HERPUD2: variants seen among roughly 807,000 people sequenced by gnomAD.
HERPUD2 encodes the protein homocysteine-responsive endoplasmic reticulum-resident ubiquitin-like domain member 2 protein.
HERPUD2 carries 13 observed loss-of-function variants against 49.9 expected under a neutral mutation model. The observed-to-expected ratio is 0.26, with a 90% CI of 0.17 to 0.41. The LOEUF (loss-of-function observed/expected upper bound fraction) is 0.41, where lower values mean the gene tolerates loss of function less well. Ranked by LOEUF, HERPUD2 falls within the 10% of genes least tolerant of loss-of-function variation. The pLI is 1.00. For synonymous variants in HERPUD2, 172 were observed against 171.4 expected (o/e 1.00, Z -0.03); for missense variants, 449 against 492.2 (o/e 0.91, Z 0.83).
chr7:35,659,815 C>T (rs1785370424), intron 5 of HERPUD2, among the ~76,000 whole-genome samples: 1 of 152,070 alleles, frequency 6.6e-6, no homozygotes, highest in Admixed American at 6.6e-5. Flanking sequence ...TCACTTTTGG[C>T]AAAATATTTG....
intron 5 of HERPUD2, among the ~76,000 whole-genome samples, chr7:35,651,245 C>T (rs1785160378): frequency 1.3e-5 from 2 of 152,284 alleles, no homozygotes; most frequent in Middle Eastern, 3.4e-3. Flanking sequence ...TCACTGATGG[C>T]ATCCAAACAA....
At chr7:35,642,744 G>A (rs1366741888) in intron 5 of HERPUD2, among the ~76,000 whole-genome samples, 2 of 152,200 alleles carry the variant, frequency 1.3e-5, no homozygotes, top group Non-Finnish European at 2.9e-5. Context: ...TTATTAGTGG[G>A]AGCTAAATGA....
chr7:35,644,668 G>T (rs1452437153), intron 5 of HERPUD2, among the ~76,000 whole-genome samples: 5 of 152,128 alleles, frequency 3.3e-5, no homozygotes, highest in Non-Finnish European at 5.9e-5. Context: ...TCAGGAGGCT[G>T]ACACAGGAGA....
rs1472284217 is a variant in HERPUD2, at chr7:35,674,177, T to G, written c.148-899A>C. ...ATATTAAAATTAGCCATAATAGAAA[T>G]TATCATACTAAGATCTGTGGTTCAG... is the stretch of plus-strand genomic sequence containing the variant. On this transcript the variant is annotated intron_variant, in intron 2 of 8. Coordinates refer to ENST00000311350, the MANE Select transcript of HERPUD2 (RefSeq NM_022373.5). Among the ~76,000 whole-genome samples, 5 of 151,466 alleles carry G rather than the reference T, an allele frequency of 3.3e-5. No homozygotes were observed. In the East Asian group the frequency reaches 9.6e-4, roughly 29 times the overall value.
chr7:35,652,793 G>A (rs1307762182), intron 5 of HERPUD2, among the ~76,000 whole-genome samples: 1 of 151,884 alleles, frequency 6.6e-6, no homozygotes, highest in African/African-American at 2.4e-5. Context: ...CATAAATGAA[G>A]GAGAAATAAA....
chr7:35,690,403 A>C (rs1786152629), intron 2 of HERPUD2, among the ~76,000 whole-genome samples: 1 of 152,220 alleles, frequency 6.6e-6, no homozygotes, highest in Non-Finnish European at 1.5e-5. Context: ...CTAACCAGAA[A>C]ACACCTTTCC....
At chr7:35,651,913 ACCACTG>A (rs1785176938) in intron 5 of HERPUD2, among the ~76,000 whole-genome samples, 4 of 152,186 alleles carry the variant, frequency 2.6e-5, no homozygotes. Context: ...TCACCTGGTG[ACCACTG>A]AACAGGCTTA....
chr7:35,674,380 T>C (rs3901900), intron 2 of HERPUD2, among the ~76,000 whole-genome samples: 1 of 18,418 alleles, frequency 5.4e-5, no homozygotes, highest in African/African-American at 2.0e-4. Context: ...TCTTACAACC[T>C]ATATATATAT....
At chr7:35,693,970 T>C (rs1786254564) in intron 2 of HERPUD2, among the ~76,000 whole-genome samples, 1 of 152,220 alleles carries the variant, frequency 6.6e-6, no homozygotes, top group South Asian at 2.1e-4. Context: ...TTGATATTTC[T>C]GCTTCCTCTT....
intron 2 of HERPUD2, among the ~76,000 whole-genome samples, chr7:35,673,554 G>C (rs1785688663): frequency 1.3e-5 from 2 of 152,146 alleles, no homozygotes; most frequent in South Asian, 4.2e-4. Context: ...AGATAAATTG[G>C]AAGTCTGTCT....
At chr7:35,634,528 A>C in intron 7 of HERPUD2, 99 bp from the exon 8 acceptor site, 1 of 678,856 alleles carries the variant, frequency 1.5e-6, no homozygotes. Flanking sequence ...AAAATGATTA[A>C]AACTATAATA....
chr7:35,671,835 G>A (rs1785650433), intron 3 of HERPUD2, among the ~76,000 whole-genome samples: 2 of 151,930 alleles, frequency 1.3e-5, no homozygotes, highest in South Asian at 4.1e-4. Flanking sequence ...TTCATGTGTA[G>A]ATTTAAGCTA....
chr7:35,644,635 C>T (rs1040739835), intron 5 of HERPUD2, among the ~76,000 whole-genome samples: 4 of 151,988 alleles, frequency 2.6e-5, no homozygotes, highest in Admixed American at 6.6e-5. Flanking sequence ...AGTGTGGAGA[C>T]GTGTGCCTAT....
intron 5 of HERPUD2, among the ~76,000 whole-genome samples, chr7:35,645,331 T>C (rs1015370772): frequency 6.6e-6 from 1 of 152,172 alleles, no homozygotes; most frequent in South Asian, 2.1e-4. Context: ...CCTATAGTCA[T>C]AGATACTCGG....
At chr7:35,685,613 AC>A (rs1786022022) in intron 2 of HERPUD2, among the ~76,000 whole-genome samples, 1 of 152,002 alleles carries the variant, frequency 6.6e-6, no homozygotes, top group Non-Finnish European at 1.5e-5. Flanking sequence ...GGCATGAGCC[AC>A]TGTGCCTGGC....
chr7:35,678,303 G>A (rs1324889854), intron 2 of HERPUD2, among the ~76,000 whole-genome samples: 1 of 151,076 alleles, frequency 6.6e-6, no homozygotes, highest in African/African-American at 2.4e-5. Flanking sequence ...TTTTGTTGTT[G>A]CTTTTTTTTT....
chr7:35,635,838 C>G (rs1257095897), intron 6 of HERPUD2, among the ~76,000 whole-genome samples: 2 of 152,180 alleles, frequency 1.3e-5, no homozygotes, highest in Non-Finnish European at 2.9e-5. Flanking sequence ...CCAAGCTCAC[C>G]ACCTACCTCT....
chr7:35,671,213 G>T (rs1193132216), intron 3 of HERPUD2, among the ~76,000 whole-genome samples: 1 of 152,102 alleles, frequency 6.6e-6, no homozygotes, highest in Non-Finnish European at 1.5e-5. Context: ...ATCCAAGAAA[G>T]GGTACAACAG....
chr7:35,639,218 G>C (rs957461345), intron 5 of HERPUD2, among the ~76,000 whole-genome samples: 1 of 151,800 alleles, frequency 6.6e-6, no homozygotes, highest in Non-Finnish European at 1.5e-5. Flanking sequence ...ATTTTTAGTA[G>C]AGACAGGGTT....
Sources: gnomAD v4.1 joint callset for allele counts (sites outside exome capture counted in the v4.1 genomes callset) on GRCh38, gnomAD v4.1.1 for gene constraint, MANE v1.5 for transcripts, NCBI Gene and HGNC (gene_info 2026-07-23, HGNC 2026-07-21) for gene names.